The following UBE3B variants were observed in gnomAD, a reference collection of about 807,000 sequenced individuals.
UBE3B encodes ubiquitin protein ligase E3B.
UBE3B carries 80 observed loss-of-function variants against 132.3 expected under a neutral mutation model. That is an observed-to-expected ratio of 0.60 (90% CI 0.50 to 0.73). The LOEUF (loss-of-function observed/expected upper bound fraction) is 0.73. Ranked by LOEUF, UBE3B falls within the 30% of genes least tolerant of loss-of-function variation. The pLI is 0.00. For synonymous variants in UBE3B, 487 were observed against 520.4 expected (o/e 0.94, Z 0.87); for missense variants, 1,196 against 1,362.5 (o/e 0.88, Z 1.92).
At position 109,530,619 on chromosome 12, in the gene UBE3B, C is replaced by T. The variant is rs1025026766; in HGVS notation, c.2883C>T (p.Ala961=). The change falls in exon 26 of 28, where the codon GCC becomes GCT. Residue 961 remains alanine, a synonymous_variant. Transcript: ENST00000342494. ...TCATCTGGCTCTGGGATATTCTGGC[C>T]TCCGACTTCACACCGGATGAGAGAG... The part of the protein sequence containing the change: ...RVIIWLWDIL[A]SDFTPDERAM... 3 of 1,614,184 alleles carry T rather than the reference C, an allele frequency of 1.9e-6. No homozygotes were observed. Among genetic ancestry groups the T allele is most frequent in the Admixed American group, 1.7e-5 (1 of 60,018 alleles).
At chr12:109,479,150 G>A (rs975588333) in intron 1 of UBE3B, among the ~76,000 whole-genome samples, 5 of 152,056 alleles carry the variant, frequency 3.3e-5, no homozygotes, top group Non-Finnish European at 7.4e-5. Context: ...CACATAATGG[G>A]CACTCATTTA....
chr12:109,500,638 G>GGAGA (rs1472107298), intron 12 of UBE3B, among the ~76,000 whole-genome samples: 7 of 152,322 alleles, frequency 4.6e-5, no homozygotes, highest in African/African-American at 1.7e-4. Flanking sequence ...GGTAAGTGAA[G>GGAGA]GAGAGCAGCA....
the UBE3B span, among the ~76,000 whole-genome samples, chr12:109,545,941 T>C: frequency 6.6e-6 from 1 of 152,182 alleles, no homozygotes; most frequent in Non-Finnish European, 1.5e-5. Context: ...CGATCTACCC[T>C]GCACTTTGGA....
chr12:109,505,487 T>C (rs1258497171), intron 14 of UBE3B, among the ~76,000 whole-genome samples: 1 of 152,230 alleles, frequency 6.6e-6, no homozygotes, highest in African/African-American at 2.4e-5. Flanking sequence ...AGGAGTATAT[T>C]TGTGATCTCC....
At chr12:109,527,020 C>A (rs1882417392) in intron 24 of UBE3B, among the ~76,000 whole-genome samples, 1 of 152,196 alleles carries the variant, frequency 6.6e-6, no homozygotes, top group Admixed American at 6.5e-5. Context: ...AGCCATTCAG[C>A]ACACTGTCCT....
At chr12:109,546,598 G>T in the UBE3B span, among the ~76,000 whole-genome samples, 1 of 152,152 alleles carries the variant, frequency 6.6e-6, no homozygotes, top group Non-Finnish European at 1.5e-5. Flanking sequence ...GAAAATTCAG[G>T]GATTGAAGTA....
chr12:109,498,129 G>A (rs1316360640), intron 10 of UBE3B, 104 bp from the exon 11 acceptor site: 1 of 1,516,804 alleles, frequency 6.6e-7, no homozygotes, highest in South Asian at 1.3e-5. Flanking sequence ...GTGTTTGCTA[G>A]CACATCCTCC....
In UBE3B at chr12:109,486,091, A is replaced by G. The variant is rs1191514893; in HGVS notation, c.342+20A>G. On this transcript the variant is annotated intron_variant, in intron 5 of 27. Coordinates refer to ENST00000342494, the MANE Select transcript of UBE3B (RefSeq NM_130466.4). ...CCTAAGGTAAGTGGACGGGAGCCGCAGTGTCTCCCACAAGCTCTTAAGGGC... is the reference window on the plus strand; with the variant it reads ...CCTAAGGTAAGTGGACGGGAGCCGCGGTGTCTCCCACAAGCTCTTAAGGGC... 2.6e-6 allele frequency: 4 copies of G among 1,556,354 alleles called. No individual in the cohort carries two copies. Among genetic ancestry groups the G allele is most frequent in the Admixed American group, 1.9e-5 (1 of 51,702 alleles).
the UBE3B span, among the ~76,000 whole-genome samples, chr12:109,545,930 C>G: frequency 6.6e-6 from 1 of 152,128 alleles, no homozygotes; most frequent in African/African-American, 2.4e-5. Flanking sequence ...GAGTAAAGGG[C>G]CGATCTACCC....
intron 16 of UBE3B, among the ~76,000 whole-genome samples, chr12:109,510,078 G>A (rs1880165602): frequency 6.6e-6 from 1 of 152,164 alleles, no homozygotes; most frequent in South Asian, 2.1e-4. Flanking sequence ...GTCTCCAATT[G>A]CTCAGGACAA....
Position 109,501,440 on chromosome 12 carries a change from C to A in UBE3B, c.1188C>A (p.Ile396=), listed in dbSNP as rs1878979007. 1.2e-6 allele frequency: 2 copies of A among 1,614,170 alleles called. No individual in the cohort carries two copies. Among genetic ancestry groups the A allele is most frequent in the Non-Finnish European group, 1.7e-6 (2 of 1,180,022 alleles). The change falls in exon 13 of 28, where the codon ATC becomes ATA. Residue 396 remains isoleucine, a synonymous_variant. Transcript: ENST00000342494. ...TGTGGGGGGTGCCTCTGATCCGGATCTTCTTCTGTGACATCCTGAGCAAGA... is the reference window on the plus strand; with the variant it reads ...TGTGGGGGGTGCCTCTGATCCGGATATTCTTCTGTGACATCCTGAGCAAGA... ...QFLWGVPLIR[I]FFCDILSKKL...
chr12:109,526,585 A>C (rs753070117), intron 24 of UBE3B, among the ~76,000 whole-genome samples, 169 bp downstream of exon 24: 2 of 152,220 alleles, frequency 1.3e-5, no homozygotes, highest in African/African-American at 4.8e-5. Context: ...ATTAAATTCA[A>C]TTTGCGGCCG....
intron 19 of UBE3B, chr12:109,517,993 A>C (rs968671204): frequency 4.7e-6 from 2 of 426,886 alleles, no homozygotes; most frequent in Non-Finnish European, 9.7e-6. Context: ...TGAACAGTGG[A>C]TGTTTCTGAC....
Position 109,501,614 on chromosome 12 carries a change from C to G in UBE3B, c.1282+80C>G, listed in dbSNP as rs73407594. On this transcript the variant is annotated intron_variant, in intron 13 of 27. Coordinates refer to ENST00000342494, the MANE Select transcript of UBE3B (RefSeq NM_130466.4). ...CCTGTTTCTTCCTATATGGATGTTC[C>G]GCTGTGTTTGTGGGATGCTCTAACT... 9 of 1,502,712 alleles carry G rather than the reference C, an allele frequency of 6.0e-6. No individual in the cohort carries two copies. In the Admixed American group the frequency reaches 2.0e-4, roughly 33 times the overall value. The allele number at this position is 1,502,712 out of a possible 1,614,324, so 93.1% of individuals were successfully genotyped here. A position where few individuals can be genotyped will look rare whatever the true frequency, so the allele number is the denominator to read the frequency against.
chr12:109,488,632 A>G lies in UBE3B; in HGVS notation c.508A>G (p.Thr170Ala), dbSNP rs2135817652. 1 of 1,614,168 alleles carries G rather than the reference A, an allele frequency of 6.2e-7. No individual in the cohort carries two copies. The highest frequency in any genetic ancestry group is 8.5e-7 in the Non-Finnish European group (1 of 1,180,022). Reference protein sequence around the residue: ...TLYLTMLVTFTDTSTWKILRG... With the variant: ...TLYLTMLVTFADTSTWKILRG... ...GTACCTCACGATGCTTGTCACCTTC[A>G]CAGACACTTCAACGTGGAAAATTCT... Residue 170 changes from threonine (T) to alanine (A), a missense_variant, in exon 7 of 28, where the codon ACA (threonine) becomes GCA (alanine). Thr to Ala is a moderately conservative substitution (Grantham distance 58). Transcript: ENST00000342494.
chr12:109,509,459 G>C (rs1880086623), intron 15 of UBE3B, 137 bp from the exon 16 acceptor site: 1 of 577,058 alleles, frequency 1.7e-6, no homozygotes, highest in Non-Finnish European at 3.0e-6. Flanking sequence ...CATTTTATCT[G>C]TAGATTTTAC....
intron 1 of UBE3B, among the ~76,000 whole-genome samples, chr12:109,478,875 C>G (rs1466605308): frequency 6.6e-6 from 1 of 152,226 alleles, no homozygotes; most frequent in East Asian, 1.9e-4. Flanking sequence ...CTGCCCAGAA[C>G]AAGTGGTGGT....
At chr12:109,499,559 C>T in intron 11 of UBE3B, 74 bp from the exon 12 acceptor site, 3 of 1,361,468 alleles carry the variant, frequency 2.2e-6, no homozygotes, top group Non-Finnish European at 2.9e-6. Flanking sequence ...GCCTGAGCCA[C>T]AGGCAGGGAG....
At chr12:109,500,503 C>G (rs373625485) in intron 12 of UBE3B, among the ~76,000 whole-genome samples, 2 of 152,154 alleles carry the variant, frequency 1.3e-5, no homozygotes, top group Non-Finnish European at 2.9e-5. Context: ...TTTGTTGTAC[C>G]TGAGTGACAT....
Sources: gnomAD v4.1 joint callset for allele counts (sites outside exome capture counted in the v4.1 genomes callset) on GRCh38, gnomAD v4.1.1 for gene constraint, MANE v1.5 for transcripts, NCBI Gene and HGNC (gene_info 2026-07-23, HGNC 2026-07-21) for gene names.